OXNAD1: variants seen among roughly 807,000 people sequenced by gnomAD.
OXNAD1 encodes oxidoreductase NAD binding domain containing 1, also known as oxidoreductase NAD-binding domain-containing protein 1.
In OXNAD1, 34 loss-of-function variants were observed where a neutral mutation model predicts 32.9. That is an observed-to-expected ratio of 1.03 (90% CI 0.79 to 1.38). OXNAD1 has a LOEUF of 1.38. OXNAD1 is among the 40% of genes most tolerant of loss of function. The pLI is 0.00. For missense variants in OXNAD1, 407 were observed against 379.4 expected, an observed-to-expected ratio of 1.07 and a Z score of -0.60; for synonymous variants, 134 against 135.2, an observed-to-expected ratio of 0.99 and a Z score of 0.06.
Position 16,344,713 on chromosome 3 carries a change from C to G in OXNAD1, c.*31-4463C>G, listed in dbSNP as rs1226458326. 6.6e-6 allele frequency among the ~76,000 whole-genome samples: 1 copy of G among 152,184 alleles called. No homozygotes were observed. Among genetic ancestry groups the G allele is most frequent in the African/African-American group, 2.4e-5 (1 of 41,442 alleles). The stretch of plus-strand genomic sequence containing the variant: ...AAAGCTCATGAAGACAGACCTCCTC[C>G]CAATGAAAGCACATCGTTGCCAAGT... On this transcript the variant is annotated intron_variant, in intron 9 of 9. Transcript: ENST00000606098. This position sits in a 1 kb window ranked among gnomAD's most constrained non-coding sequence, Gnocchi z 4.4.
rs1395272064 is a variant in OXNAD1, at chr3:16,336,768, G to A, written c.*31-344G>A. Among the ~76,000 whole-genome samples, 1 of 152,122 alleles carries A rather than the reference G, an allele frequency of 6.6e-6. No homozygotes were observed. The highest frequency in any genetic ancestry group is 1.5e-5 in the Non-Finnish European group (1 of 68,024). On this transcript the variant is annotated intron_variant, in intron 9 of 9. Coordinates refer to the OXNAD1 transcript ENST00000435829. The surrounding 1 kb of genome is among the most constrained non-coding windows in gnomAD (Gnocchi z 6.0). ...AGTTCTGAGACTCTTTACCCACCCA[G>A]TGCTGGTGAATTCACATCTTTGTCT...
In OXNAD1 at chr3:16,327,749, G is replaced by C. The variant is rs2069862875; in HGVS notation, c.*31-9363G>C. On this transcript the variant is annotated intron_variant, in intron 9 of 9. Transcript: ENST00000435829. The surrounding 1 kb of genome is among the most constrained non-coding windows in gnomAD (Gnocchi z 4.2). Reference sequence around the variant, plus strand: ...GCACTCCAGCCTGGGTGACAGAGCGGGATTCCCATCTCAAAAAAAAAAACA... The same window carrying C: ...GCACTCCAGCCTGGGTGACAGAGCGCGATTCCCATCTCAAAAAAAAAAACA... 7.0e-6 allele frequency among the ~76,000 whole-genome samples: 1 copy of C among 143,202 alleles called. No individual in the cohort carries two copies. The highest frequency in any genetic ancestry group is 2.6e-5 in the African/African-American group (1 of 38,254). 93.9% of individuals were successfully genotyped at this position (143,202 alleles called of 152,430 possible).
At position 16,317,091 on chromosome 3, in the gene OXNAD1, C is replaced by T; in HGVS notation, c.*30+13499C>T. On this transcript the variant is annotated intron_variant, in intron 9 of 9. Coordinates refer to the OXNAD1 transcript ENST00000435829. The surrounding 1 kb of genome is among the most constrained non-coding windows in gnomAD (Gnocchi z 4.3). ...TGCTGCTGTCCTGAAACACAGTTTCCCATGTCTCCAGCTTTGGAAGACTGG... is the reference window on the plus strand; with the variant it reads ...TGCTGCTGTCCTGAAACACAGTTTCTCATGTCTCCAGCTTTGGAAGACTGG... 2 of 1,613,862 alleles carry T rather than the reference C, an allele frequency of 1.2e-6. No homozygotes were observed. The highest frequency in any genetic ancestry group is 1.7e-5 in the Admixed American group (1 of 59,994).
chr3:16,270,863 TC>T, intron 2 of OXNAD1, 81 bp from the exon 3 acceptor site: 1 of 1,574,466 alleles, frequency 6.4e-7, no homozygotes, highest in Non-Finnish European at 8.6e-7. Context: ...TCCACACTCT[TC>T]CTCACTGACC....
In OXNAD1 at chr3:16,312,847, GATCTGAAAAA is replaced by G. The variant is rs1392012769; in HGVS notation, c.*30+9262_*30+9271del. 6.6e-6 allele frequency among the ~76,000 whole-genome samples: 1 copy of G among 151,834 alleles called. No homozygotes were observed. The highest frequency in any genetic ancestry group is 1.5e-5 in the Non-Finnish European group (1 of 67,868). ...TCTAGTGAAGCATGGTCAACCTGGA[GATCTGAAAAA>G]ATCTGACAGGCATTTGACTAATGTT... is the stretch of plus-strand genomic sequence containing the variant. On this transcript the variant is annotated intron_variant, in intron 9 of 9. Coordinates refer to the OXNAD1 transcript ENST00000435829. This position sits in a 1 kb window ranked among gnomAD's most constrained non-coding sequence, Gnocchi z 4.7.
chr3:16,296,423 T>A (rs1045915508), intron 6 of OXNAD1, among the ~76,000 whole-genome samples: 1 of 152,184 alleles, frequency 6.6e-6, no homozygotes, highest in East Asian at 1.9e-4. Flanking sequence ...AGATTTAACA[T>A]AACAATAATC....
intron 5 of OXNAD1, among the ~76,000 whole-genome samples, chr3:16,294,579 C>T (rs2066646040): frequency 6.6e-6 from 1 of 152,136 alleles, no homozygotes; most frequent in South Asian, 2.1e-4. Flanking sequence ...TATGGGTCTG[C>T]TCAGATTTTC....
intron 2 of OXNAD1, among the ~76,000 whole-genome samples, chr3:16,269,699 A>G (rs979021653): frequency 3.3e-5 from 5 of 152,236 alleles, no homozygotes; most frequent in Non-Finnish European, 7.3e-5. Flanking sequence ...CTTGATAGAT[A>G]CTCGTTGAAT....
downstream of OXNAD1, among the ~76,000 whole-genome samples, chr3:16,309,327 G>A (rs186785199): frequency 6.6e-6 from 1 of 152,090 alleles, no homozygotes; most frequent in Non-Finnish European, 1.5e-5. Flanking sequence ...ATAAAAAATT[G>A]ACTAGTATTA....
At position 16,271,870 on chromosome 3, in the gene OXNAD1, G is replaced by T; in HGVS notation, c.183+148G>T. On this transcript the variant is annotated intron_variant, in intron 4 of 8. Transcript: ENST00000285083. This position sits in a 1 kb window ranked among gnomAD's most constrained non-coding sequence, Gnocchi z 4.6. The stretch of plus-strand genomic sequence containing the variant: ...ATTTTTCTATTTAGAAATTTTCTGA[G>T]CAGGACATTTGATATCTGATTTGAA... 2.8e-6 allele frequency: 2 copies of T among 715,526 alleles called. No homozygotes were observed. The highest frequency in any genetic ancestry group is 2.3e-6 in the Non-Finnish European group (1 of 438,418). 44.3% of individuals were successfully genotyped at this position (715,526 alleles called of 1,614,324 possible). A position where few individuals can be genotyped will look rare whatever the true frequency, so the allele number is the denominator to read the frequency against.
At chr3:16,328,603 G>T (rs777504567) in intron 9 of OXNAD1, among the ~76,000 whole-genome samples, 1 of 152,186 alleles carries the variant, frequency 6.6e-6, no homozygotes, top group Admixed American at 6.5e-5. Flanking sequence ...GGTCTATGTC[G>T]GTTCCCAAAG....
At chr3:16,326,387 T>G (rs1301190375) in intron 9 of OXNAD1, among the ~76,000 whole-genome samples, 1 of 152,246 alleles carries the variant, frequency 6.6e-6, no homozygotes, top group Non-Finnish European at 1.5e-5. Flanking sequence ...TTCTACCTCA[T>G]AGTATTTTTC....
downstream of OXNAD1, among the ~76,000 whole-genome samples, chr3:16,306,739 ATTAGAT>A (rs1396271690): frequency 6.6e-6 from 1 of 152,124 alleles, no homozygotes; most frequent in Non-Finnish European, 1.5e-5. Flanking sequence ...TAAACTGGTA[ATTAGAT>A]TTAGAACTTG....
intron 2 of OXNAD1, 141 bp from the exon 3 acceptor site, chr3:16,270,804 C>T: frequency 1.6e-6 from 2 of 1,226,614 alleles, no homozygotes; most frequent in Non-Finnish European, 2.2e-6. Flanking sequence ...TGAAGTTAGG[C>T]TCTTGGCTGC....
At chr3:16,300,278 A>G (rs192538040) in intron 6 of OXNAD1, among the ~76,000 whole-genome samples, 1 of 152,348 alleles carries the variant, frequency 6.6e-6, no homozygotes, top group Admixed American at 6.5e-5. Context: ...ATCAAAGAGT[A>G]TGTATTTTAA....
chr3:16,276,417 T>C (rs896434835), intron 4 of OXNAD1: 2 of 205,662 alleles, frequency 9.7e-6, no homozygotes, highest in Non-Finnish European at 2.0e-5. Flanking sequence ...CTGTACTTTG[T>C]TTTAAATATC....
Position 16,302,668 on chromosome 3 carries a change from T to C in OXNAD1, c.704T>C (p.Phe235Ser). 6.2e-7 allele frequency: 1 copy of C among 1,612,840 alleles called. No homozygotes were observed. The highest frequency in any genetic ancestry group is 8.5e-7 in the Non-Finnish European group (1 of 1,179,202). ...KKNILDLVNE[F>S]PEKIACSLHV... The stretch of plus-strand genomic sequence containing the variant: ...AATATCCTTGATTTAGTAAATGAAT[T>C]TCCTGAGAAGATTGCATGCAGTTTG... Residue 235 changes from phenylalanine (F) to serine (S), a missense_variant, in exon 8 of 9, where the codon TTT becomes TCT. Physicochemically the swap from Phe to Ser is radical, Grantham distance 155. Coordinates refer to ENST00000285083, the MANE Select transcript of OXNAD1 (RefSeq NM_138381.5). This position sits in a 1 kb window ranked among gnomAD's most constrained non-coding sequence, Gnocchi z 4.2.
intron 9 of OXNAD1, among the ~76,000 whole-genome samples, chr3:16,332,835 T>C (rs76945632): frequency 2.0e-4 from 23 of 116,302 alleles, no homozygotes; most frequent in Non-Finnish European, 3.7e-4. Context: ...GGGCATCGAT[T>C]TATCTACCTA....
In OXNAD1 at chr3:16,287,462, T is replaced by A. The variant is rs1416890175; in HGVS notation, c.290+1014T>A. Among the ~76,000 whole-genome samples the A allele has an allele frequency of 6.6e-6, 1 of 152,246 alleles. No homozygotes were observed. Among genetic ancestry groups the A allele is most frequent in the African/African-American group, 2.4e-5 (1 of 41,470 alleles). On this transcript the variant is annotated intron_variant, in intron 5 of 8. Transcript: ENST00000285083. The surrounding 1 kb of genome is among the most constrained non-coding windows in gnomAD (Gnocchi z 4.8). ...CAATTTACTGCAATCTTTGCACATG[T>A]TCGATGATACACATTAAATGCATTT...
Sources: gnomAD v4.1 joint callset for allele counts (sites outside exome capture counted in the v4.1 genomes callset) on GRCh38, gnomAD v4.1.1 for gene constraint, Gnocchi (gnomAD v3.1) non-coding constraint, MANE v1.5 for transcripts, NCBI Gene and HGNC (gene_info 2026-07-23, HGNC 2026-07-21) for gene names.